RBM47: variants seen among roughly 807,000 people sequenced by gnomAD.
RBM47 encodes RNA-binding protein 47.
In RBM47, 21 loss-of-function variants were observed where a neutral mutation model predicts 47.1. The ratio of observed to expected loss-of-function variants is 0.45; its 90% CI spans 0.32 to 0.64. RBM47 has a LOEUF of 0.64. Among genes scored for constraint, RBM47 ranks in the 30% least tolerant of loss-of-function variants. RBM47 has a pLI of 0.05. For missense variants in RBM47, 708 were observed against 870.9 expected, an observed-to-expected ratio of 0.81 and a Z score of 2.35; for synonymous variants, 375 against 361.7, an observed-to-expected ratio of 1.04 and a Z score of -0.42.
At chr4:40,551,528 T>A (rs919595657) in intron 1 of RBM47, among the ~76,000 whole-genome samples, 3 of 151,900 alleles carry the variant, frequency 2.0e-5, no homozygotes, top group Non-Finnish European at 4.4e-5. Flanking sequence ...TTTATTAACA[T>A]TGGCAAGCAG....
At chr4:40,601,527 T>C (rs911646000) in intron 1 of RBM47, among the ~76,000 whole-genome samples, 2 of 152,212 alleles carry the variant, frequency 1.3e-5, no homozygotes, top group African/African-American at 4.8e-5. Context: ...ATCAAGTCAA[T>C]GGCATTCTCT....
intron 2 of RBM47, among the ~76,000 whole-genome samples, chr4:40,503,489 C>A (rs966079351): frequency 2.6e-5 from 4 of 152,094 alleles, no homozygotes; most frequent in African/African-American, 9.7e-5. Context: ...GTGCTACTAG[C>A]GGTGTCCACT....
chr4:40,467,895 C>T (rs1019530774), intron 2 of RBM47, among the ~76,000 whole-genome samples: 6 of 152,302 alleles, frequency 3.9e-5, no homozygotes, highest in East Asian at 1.9e-4. Context: ...GTGGTTTCAA[C>T]ACCAGACTGG....
intron 1 of RBM47, among the ~76,000 whole-genome samples, chr4:40,618,808 C>CAAAAAAA (rs35543412): frequency 3.6e-5 from 1 of 27,594 alleles, no homozygotes; most frequent in Non-Finnish European, 6.8e-5. Context: ...GACTCCATCT[C>CAAAAAAA]AAAAAAAAAA....
chr4:40,517,389 G>A (rs944792791), intron 2 of RBM47, among the ~76,000 whole-genome samples: 12 of 152,000 alleles, frequency 7.9e-5, no homozygotes, highest in African/African-American at 2.9e-4. Flanking sequence ...CACCCGCTTC[G>A]GCCTCCCAAA....
At chr4:40,483,448 A>T (rs1720685858) in intron 2 of RBM47, among the ~76,000 whole-genome samples, 2 of 152,334 alleles carry the variant, frequency 1.3e-5, no homozygotes, top group African/African-American at 4.8e-5. Context: ...GAGCGTTATA[A>T]CACCCAGGAG....
intron 1 of RBM47, among the ~76,000 whole-genome samples, chr4:40,549,693 T>C (rs1350592834): frequency 1.3e-5 from 2 of 151,734 alleles, no homozygotes; most frequent in African/African-American, 4.8e-5. Flanking sequence ...CAGCTAATTT[T>C]TTTTTGAGAC....
intron 2 of RBM47, among the ~76,000 whole-genome samples, chr4:40,532,704 G>A (rs1030748270): frequency 3.5e-5 from 5 of 141,940 alleles, no homozygotes; most frequent in African/African-American, 1.3e-4. Flanking sequence ...ATACGTCAAT[G>A]TCTTAACCAC....
intron 1 of RBM47, among the ~76,000 whole-genome samples, chr4:40,590,368 C>G (rs1412945190): frequency 6.6e-6 from 1 of 151,888 alleles, no homozygotes; most frequent in Non-Finnish European, 1.5e-5. Context: ...GTACTCCAGC[C>G]TGGGCAACAG....
At chr4:40,547,959 G>T (rs1729181113) in intron 1 of RBM47, among the ~76,000 whole-genome samples, 1 of 152,224 alleles carries the variant, frequency 6.6e-6, no homozygotes, top group African/African-American at 2.4e-5. Context: ...TGCCTTTGTG[G>T]TATTACAGTG....
intron 3 of RBM47, among the ~76,000 whole-genome samples, chr4:40,453,083 CCCGCCTCAGCCTCCCAAAGTT>C (rs1432101002): frequency 1.3e-5 from 2 of 152,094 alleles, no homozygotes; most frequent in Non-Finnish European, 2.9e-5. Flanking sequence ...TTGTGATCTG[CCCGCCTCAGCCTCCCAAAGTT>C]CTGGGATTAC....
chr4:40,610,122 A>C (rs970817309), intron 1 of RBM47, among the ~76,000 whole-genome samples: 3 of 151,906 alleles, frequency 2.0e-5, no homozygotes, highest in Admixed American at 6.6e-5. Flanking sequence ...AACAAACAAA[A>C]AAACCTCATT....
At chr4:40,510,748 A>T (rs1724818161) in intron 2 of RBM47, among the ~76,000 whole-genome samples, 1 of 152,200 alleles carries the variant, frequency 6.6e-6, no homozygotes, top group Non-Finnish European at 1.5e-5. Context: ...CTGAGGAACC[A>T]GAAATGTTAT....
At chr4:40,564,512 A>T (rs1008307275) in intron 1 of RBM47, among the ~76,000 whole-genome samples, 1 of 152,358 alleles carries the variant, frequency 6.6e-6, no homozygotes, top group South Asian at 2.1e-4. Flanking sequence ...CACCTAGCCT[A>T]TCCTAAGGAA....
chr4:40,556,813 C>T (rs1299377344), intron 1 of RBM47, among the ~76,000 whole-genome samples: 1 of 151,866 alleles, frequency 6.6e-6, no homozygotes, highest in African/African-American at 2.4e-5. Flanking sequence ...TCACCTGAGC[C>T]CAGGATGCAA....
chr4:40,444,311 A>T (rs1413477502), intron 3 of RBM47, among the ~76,000 whole-genome samples: 2 of 152,176 alleles, frequency 1.3e-5, no homozygotes, highest in Non-Finnish European at 2.9e-5. Flanking sequence ...TGCTTAACTT[A>T]TTGTAATTAT....
rs77124327 is a variant in RBM47, at chr4:40,434,457, A to C, written c.1331-1595T>G. ...ATTTCTACCTCAGGCTCCAGGACACAACTTTACATAGTTAAAGATTATTTA... is the reference window on the plus strand; with the variant it reads ...ATTTCTACCTCAGGCTCCAGGACACCACTTTACATAGTTAAAGATTATTTA... On this transcript the variant is annotated intron_variant, in intron 5 of 6. Transcript: ENST00000295971. Among the ~76,000 whole-genome samples, 299 of 152,264 alleles carry C rather than the reference A, an allele frequency of 2.0e-3. 7 individuals are homozygous for C. The East Asian group carries it at 0.051, about 26-fold the overall frequency.
At chr4:40,593,913 G>C (rs1734513349) in intron 1 of RBM47, among the ~76,000 whole-genome samples, 1 of 151,108 alleles carries the variant, frequency 6.6e-6, no homozygotes, top group Admixed American at 6.6e-5. Flanking sequence ...AGCCGGACGT[G>C]GTGGTGGGTG....
chr4:40,463,937 C>A (rs1403711704), intron 3 of RBM47, among the ~76,000 whole-genome samples: 1 of 151,960 alleles, frequency 6.6e-6, no homozygotes, highest in Middle Eastern at 3.2e-3. Flanking sequence ...GTAAAATTTG[C>A]TGTTTCTGAA....
Sources: allele counts gnomAD v4.1 joint callset (sites outside exome capture counted in the v4.1 genomes callset), GRCh38; gene constraint gnomAD v4.1.1; transcripts MANE v1.5; gene names NCBI Gene and HGNC (gene_info 2026-07-23, HGNC 2026-07-21).